The following RXRG variants were observed in gnomAD, a reference collection of about 807,000 sequenced individuals.
RXRG encodes the protein retinoic acid receptor RXR-gamma.
In RXRG, 19 loss-of-function variants were observed where a neutral mutation model predicts 49.2. That is an observed-to-expected ratio of 0.39 (90% CI 0.27 to 0.57). The LOEUF (loss-of-function observed/expected upper bound fraction) is 0.57. Ranked by LOEUF, RXRG falls within the 20% of genes least tolerant of loss-of-function variation. The probability of loss-of-function intolerance (pLI) is 0.64; values close to 1 mark genes in which losing one functional copy is unlikely to be tolerated. For synonymous variants in RXRG, 224 were observed against 216.6 expected, an observed-to-expected ratio of 1.03 and a Z score of -0.30; for missense variants, 452 against 592.5, an observed-to-expected ratio of 0.76 and a Z score of 2.46.
At position 165,409,809 on chromosome 1, in the gene RXRG, G is replaced by C. The variant is rs535572421; in HGVS notation, c.914-119C>G. Reference sequence around the variant, plus strand: ...ACAAGCAGAATTGACAATCTAGGGAGGTTAAGAATTAGTTCAAGATGACAC... The same window carrying C: ...ACAAGCAGAATTGACAATCTAGGGACGTTAAGAATTAGTTCAAGATGACAC... On this transcript the variant is annotated intron_variant, in intron 6 of 9. Transcript: ENST00000359842. The C allele has an allele frequency of 2.6e-5, 25 of 976,400 alleles. No individual in the cohort carries two copies. In the African/African-American group the frequency reaches 4.1e-4, roughly 16 times the overall value. The allele number at this position is 976,400 out of a possible 1,614,324, so 60.5% of individuals were successfully genotyped here.
chr1:165,408,690 C>T (rs1311818709), intron 7 of RXRG, among the ~76,000 whole-genome samples: 1 of 152,152 alleles, frequency 6.6e-6, no homozygotes, highest in Non-Finnish European at 1.5e-5. Flanking sequence ...TAGAAAAACA[C>T]AGCAGAGGGC....
At chr1:165,414,759 T>C (rs1658075213) in intron 4 of RXRG, among the ~76,000 whole-genome samples, 1 of 152,296 alleles carries the variant, frequency 6.6e-6, no homozygotes, top group South Asian at 2.1e-4. Flanking sequence ...CCAGCAGGTA[T>C]TTCATATCGC....
At chr1:165,441,543 G>T (rs1240395198) in intron 1 of RXRG, among the ~76,000 whole-genome samples, 1 of 152,214 alleles carries the variant, frequency 6.6e-6, no homozygotes, top group East Asian at 1.9e-4. Flanking sequence ...TCTAAAAGGA[G>T]TACGAGAACA....
In RXRG at chr1:165,405,390, A is replaced by C. The variant is rs1657712022; in HGVS notation, c.1244+1422T>G. ...TCAATCTCATCTATAGTGAACTACC[A>C]GGTTCACCAAAATCCAATATTTTCT... On this transcript the variant is annotated intron_variant, in intron 9 of 9. Coordinates refer to ENST00000359842, the MANE Select transcript of RXRG (RefSeq NM_006917.5). Among the ~76,000 whole-genome samples, 6 of 152,346 alleles carry C rather than the reference A, an allele frequency of 3.9e-5. No homozygotes were observed. In the South Asian group the frequency reaches 1.2e-3, roughly 32 times the overall value.
At chr1:165,413,473 G>A (rs775066831) in intron 4 of RXRG, among the ~76,000 whole-genome samples, 1 of 152,006 alleles carries the variant, frequency 6.6e-6, no homozygotes, top group Non-Finnish European at 1.5e-5. Context: ...ACATATCTGA[G>A]GGCATGTGGT....
chr1:165,441,056 A>G (rs572975591), intron 1 of RXRG, among the ~76,000 whole-genome samples: 1 of 152,388 alleles, frequency 6.6e-6, no homozygotes, highest in Admixed American at 6.5e-5. Flanking sequence ...ATGTTCTAGC[A>G]TATACACACA....
intron 2 of RXRG, among the ~76,000 whole-genome samples, chr1:165,427,110 C>A (rs1220368823): frequency 1.3e-5 from 2 of 152,138 alleles, no homozygotes; most frequent in Non-Finnish European, 2.9e-5. Context: ...CAAAAAACAC[C>A]CTCTCAGAAA....
chr1:165,427,100 C>CA (rs1658509948), intron 2 of RXRG, among the ~76,000 whole-genome samples: 1 of 152,086 alleles, frequency 6.6e-6, no homozygotes, highest in African/African-American at 2.4e-5. Context: ...TCATCTCATC[C>CA]AAAAAACACC....
At chr1:165,434,280 A>ATGTGTGTGTGTG (rs57708987) in intron 1 of RXRG, among the ~76,000 whole-genome samples, 8,356 of 130,928 alleles carry the variant, frequency 0.064, 329 homozygotes, top group South Asian at 0.18. Context: ...GCATGTGTGT[A>ATGTGTGTGTGTG]TGTGTGTGTG....
Position 165,401,380 on chromosome 1 carries a change from A to C in RXRG, c.1275T>G (p.Ala425=). The change falls in exon 10 of 10, where the codon GCT becomes GCG. Residue 425 remains alanine, a synonymous_variant. Transcript: ENST00000359842. ...RFAKLLLRLP[A]LRSIGLKCLE... The stretch of plus-strand genomic sequence containing the variant: ...GGCATTTCAAGCCAATGGAACGCAG[A>C]GCTGGGAGGCGCAGCAGCAGCTTGG... 1 of 1,614,202 alleles carries C rather than the reference A, an allele frequency of 6.2e-7. No homozygotes were observed. The highest frequency in any genetic ancestry group is 8.5e-7 in the Non-Finnish European group (1 of 1,180,026).
chr1:165,444,624 C>T (rs977609838), intron 1 of RXRG, among the ~76,000 whole-genome samples: 2 of 152,204 alleles, frequency 1.3e-5, no homozygotes, highest in African/African-American at 4.8e-5. Flanking sequence ...TATCCTCATT[C>T]TGATATGCAA....
At chr1:165,422,633 T>C (rs1305034361) in intron 2 of RXRG, among the ~76,000 whole-genome samples, 1 of 152,170 alleles carries the variant, frequency 6.6e-6, no homozygotes, top group Non-Finnish European at 1.5e-5. Flanking sequence ...TGCTGAGAAG[T>C]GCGCTATGAC....
At chr1:165,404,351 G>C (rs1657676837) in intron 9 of RXRG, among the ~76,000 whole-genome samples, 1 of 152,150 alleles carries the variant, frequency 6.6e-6, no homozygotes, top group South Asian at 2.1e-4. Flanking sequence ...AACAAGTGTT[G>C]GCCTCTCTCC....
intron 1 of RXRG, among the ~76,000 whole-genome samples, chr1:165,439,050 A>T (rs1343803340): frequency 2.0e-5 from 3 of 152,108 alleles, no homozygotes; most frequent in African/African-American, 7.2e-5. Context: ...GGTACTTGAA[A>T]CACAAACTGT....
intron 3 of RXRG, among the ~76,000 whole-genome samples, chr1:165,418,239 AATTTAG>A (rs1199030708): frequency 6.6e-6 from 1 of 151,870 alleles, no homozygotes; most frequent in African/African-American, 2.4e-5. Context: ...AGGGGTGGCT[AATTTAG>A]GTCAGGAGAG....
At chr1:165,432,325 CTATTT>C (rs561337417) in intron 1 of RXRG, among the ~76,000 whole-genome samples, 19 of 152,146 alleles carry the variant, frequency 1.2e-4, no homozygotes, top group South Asian at 6.2e-4. Context: ...AAGAGGTGGG[CTATTT>C]TATAACTACA....
intron 7 of RXRG, 38 bp downstream of exon 7, chr1:165,409,517 ACAC>A: frequency 7.1e-7 from 1 of 1,405,834 alleles, no homozygotes; most frequent in Non-Finnish European, 9.3e-7. Context: ...ACACACACAC[ACAC>A]ATAATACACA....
intron 1 of RXRG, among the ~76,000 whole-genome samples, chr1:165,437,664 G>A (rs1557927179): frequency 6.6e-6 from 1 of 152,280 alleles, no homozygotes; most frequent in East Asian, 1.9e-4. Flanking sequence ...CTTTAGGAAC[G>A]AGAGGAGAAC....
At chr1:165,417,349 T>C (rs535172727) in intron 3 of RXRG, 129 bp from the exon 4 acceptor site, 7 of 765,028 alleles carry the variant, frequency 9.1e-6, no homozygotes, top group South Asian at 2.2e-5. Flanking sequence ...AGAAAGCAAA[T>C]AATCACTAGC....
Sources: allele counts gnomAD v4.1 joint callset (sites outside exome capture counted in the v4.1 genomes callset), GRCh38; gene constraint gnomAD v4.1.1; transcripts MANE v1.5; gene names NCBI Gene and HGNC (gene_info 2026-07-23, HGNC 2026-07-21).